The following NPAS3 variants were observed in gnomAD, a reference collection of about 807,000 sequenced individuals.
NPAS3 encodes neuronal PAS domain-containing protein 3.
Under a neutral mutation model 73.1 loss-of-function variants are expected in NPAS3, and 14 were observed. That is an observed-to-expected ratio of 0.19 (90% CI 0.13 to 0.30). The LOEUF is 0.30. Ranked by LOEUF, NPAS3 falls within the 10% of genes least tolerant of loss-of-function variation. The pLI, the probability that NPAS3 is intolerant of heterozygous loss-of-function variation, is 1.00. For missense variants in NPAS3, 1,096 were observed against 1,250.0 expected (o/e 0.88, Z 1.86); for synonymous variants, 620 against 541.5 (o/e 1.14, Z -2.01).
At position 33,061,653 on chromosome 14, in the gene NPAS3, A is replaced by T. The variant is rs186001308; in HGVS notation, c.140+5659A>T. ...TCTAGACTAGCCTAGAAGTGAGTGA[A>T]TTTATTCATTCATTTAACAAATATA... On this transcript the variant is annotated intron_variant, in intron 2 of 11. Transcript: ENST00000356141. Among the ~76,000 whole-genome samples the T allele has an allele frequency of 3.8e-3, 579 of 152,264 alleles. 4 individuals are homozygous for T. Among genetic ancestry groups the T allele is most frequent in the Middle Eastern group, 0.017 (5 of 294 alleles).
chr14:33,581,633 C>T (rs1308702831), intron 5 of NPAS3, among the ~76,000 whole-genome samples: 2 of 152,140 alleles, frequency 1.3e-5, no homozygotes, highest in Non-Finnish European at 2.9e-5. Context: ...TGCAGTGTCA[C>T]GATCAGAGCT....
intron 2 of NPAS3, among the ~76,000 whole-genome samples, chr14:33,177,355 C>G (rs990223424): frequency 9.9e-5 from 15 of 151,872 alleles, no homozygotes; most frequent in African/African-American, 2.4e-5. Flanking sequence ...CTCGGCCTCC[C>G]AAAGAGCTGG....
chr14:33,110,782 G>A (rs912549863), intron 2 of NPAS3, among the ~76,000 whole-genome samples: 11 of 152,156 alleles, frequency 7.2e-5, no homozygotes, highest in Non-Finnish European at 1.2e-4. Context: ...TCAGTCCGGG[G>A]ACGGGAACCA....
intron 2 of NPAS3, 126 bp downstream of exon 2, chr14:33,056,120 A>C (rs983929284): frequency 1.1e-5 from 6 of 543,454 alleles, no homozygotes; most frequent in Middle Eastern, 2.9e-4. Context: ...AGAAAAAAAA[A>C]CAAAAAAACA....
At chr14:33,396,605 T>C (rs115858943) in intron 4 of NPAS3, among the ~76,000 whole-genome samples, 381 of 152,286 alleles carry the variant, frequency 2.5e-3, no homozygotes, top group African/African-American at 7.4e-3. Flanking sequence ...TGGTTCTCTA[T>C]GATATCACAT....
intron 4 of NPAS3, among the ~76,000 whole-genome samples, chr14:33,547,330 A>T (rs1221859549): frequency 6.6e-6 from 1 of 152,214 alleles, no homozygotes; most frequent in Non-Finnish European, 1.5e-5. Flanking sequence ...GGCTAGAATG[A>T]GCAAATCTCA....
At chr14:33,163,413 GCA>G (rs1416534392) in intron 2 of NPAS3, among the ~76,000 whole-genome samples, 3 of 152,178 alleles carry the variant, frequency 2.0e-5, no homozygotes, top group African/African-American at 7.2e-5. Context: ...CGAAAAATGT[GCA>G]CACAGTCGCA....
intron 4 of NPAS3, among the ~76,000 whole-genome samples, chr14:33,431,752 T>A (rs1013304877): frequency 5.3e-5 from 8 of 152,134 alleles, no homozygotes; most frequent in African/African-American, 1.9e-4. Flanking sequence ...TTGATGATTC[T>A]TTTTTTATAT....
At chr14:32,939,327 C>T (rs2035865229) in exon 1 of NPAS3, 1 of 731,910 alleles carries the variant, frequency 1.4e-6, no homozygotes, top group Non-Finnish European at 2.4e-6. Flanking sequence ...ATGGCGCCCA[C>T]CAAGCCCAGC....
At chr14:33,319,767 C>CAA (rs1177428480) in intron 3 of NPAS3, among the ~76,000 whole-genome samples, 1 of 152,094 alleles carries the variant, frequency 6.6e-6, no homozygotes, top group Non-Finnish European at 1.5e-5. Flanking sequence ...CTCCAAATGC[C>CAA]AACAGGGCCA....
At chr14:33,357,582 C>T (rs760282386) in intron 3 of NPAS3, among the ~76,000 whole-genome samples, 5 of 152,236 alleles carry the variant, frequency 3.3e-5, no homozygotes, top group African/African-American at 4.8e-5. Flanking sequence ...CCGGCCTCTG[C>T]TTTTCACAAC....
chr14:33,621,476 AC>A (rs201338710), intron 5 of NPAS3, among the ~76,000 whole-genome samples: 1,706 of 152,274 alleles, frequency 0.011, 37 homozygotes, highest in African/African-American at 0.038. Flanking sequence ...ATTATTTATA[AC>A]AAGAGGCAAA....
At chr14:33,402,167 T>C (rs2047473970) in intron 4 of NPAS3, among the ~76,000 whole-genome samples, 1 of 152,118 alleles carries the variant, frequency 6.6e-6, no homozygotes, top group African/African-American at 2.4e-5. Flanking sequence ...ACTGAGTTTA[T>C]TTCTGCTTTC....
At chr14:33,440,008 C>T (rs1032925872) in intron 4 of NPAS3, among the ~76,000 whole-genome samples, 1 of 150,836 alleles carries the variant, frequency 6.6e-6, no homozygotes, top group Non-Finnish European at 1.5e-5. Flanking sequence ...CCCAGCCACT[C>T]GGGAGGCTGA....
intron 5 of NPAS3, among the ~76,000 whole-genome samples, chr14:33,590,851 A>G (rs2057038604): frequency 4.6e-5 from 7 of 152,196 alleles, no homozygotes; most frequent in Admixed American, 3.3e-4. Flanking sequence ...TCATTCATTC[A>G]TATTTATTCC....
At chr14:33,112,927 C>T (rs1296049752) in intron 2 of NPAS3, among the ~76,000 whole-genome samples, 1 of 152,152 alleles carries the variant, frequency 6.6e-6, no homozygotes, top group Non-Finnish European at 1.5e-5. Flanking sequence ...ATAGGGAATC[C>T]TTTCCCCAGT....
intron 2 of NPAS3, among the ~76,000 whole-genome samples, chr14:33,101,457 G>C (rs2042575066): frequency 1.3e-5 from 2 of 152,130 alleles, no homozygotes; most frequent in Non-Finnish European, 1.5e-5. Context: ...GGGTGGCACA[G>C]GTTTGCTGAT....
At chr14:33,111,403 C>T (rs2042887933) in intron 2 of NPAS3, among the ~76,000 whole-genome samples, 1 of 152,102 alleles carries the variant, frequency 6.6e-6, no homozygotes, top group Non-Finnish European at 1.5e-5. Flanking sequence ...CAGGCTTTTA[C>T]AAAGAAGAAG....
At chr14:33,260,777 A>G (rs1436658316) in intron 3 of NPAS3, among the ~76,000 whole-genome samples, 1 of 152,172 alleles carries the variant, frequency 6.6e-6, no homozygotes, top group Non-Finnish European at 1.5e-5. Context: ...CAATCTGTAT[A>G]AACACTTATT....
Sources: allele counts gnomAD v4.1 joint callset (sites outside exome capture counted in the v4.1 genomes callset), GRCh38; gene constraint gnomAD v4.1.1; transcripts MANE v1.5; gene names NCBI Gene and HGNC (gene_info 2026-07-23, HGNC 2026-07-21).